Variants in ZNF563 observed in about 807,000 individuals in gnomAD.
ZNF563 encodes zinc finger protein 563.
ZNF563 carries 39 observed loss-of-function variants against 48.5 expected under a neutral mutation model. The observed-to-expected ratio is 0.80, with a 90% CI of 0.62 to 1.05. The LOEUF (loss-of-function observed/expected upper bound fraction) is 1.05, where lower values mean the gene tolerates loss of function less well. Among genes scored for constraint, ZNF563 ranks in the 50% least tolerant of loss-of-function variants. The probability of loss-of-function intolerance (pLI) is 0.00; values close to 1 mark genes in which losing one functional copy is unlikely to be tolerated. For missense variants in ZNF563, 538 were observed against 597.0 expected, an observed-to-expected ratio of 0.90 and a Z score of 1.03; for synonymous variants, 168 against 187.9, an observed-to-expected ratio of 0.89 and a Z score of 0.87.
chr19:12,325,056 G>A (rs1205520886), intron 1 of ZNF563: 1 of 152,146 alleles, frequency 6.6e-6, no homozygotes, highest in Non-Finnish European at 1.5e-5. Flanking sequence ...TGATCAGAAG[G>A]TGTGAAATAA....
At chr19:12,337,640 T>C (rs1969034254), upstream of ZNF563, among the ~76,000 whole-genome samples, 1 of 152,208 alleles carries the variant, frequency 6.6e-6, no homozygotes, top group African/African-American at 2.4e-5. Context: ...ATTTAACTTT[T>C]CAACAGTTAA....
intron 1 of ZNF563, among the ~76,000 whole-genome samples, chr19:12,325,899 G>T (rs1968780172): frequency 6.6e-6 from 1 of 152,190 alleles, no homozygotes; most frequent in Non-Finnish European, 1.5e-5. Context: ...ATCAGATAGG[G>T]AATAGAGTCT....
At position 12,319,579 on chromosome 19, in the gene ZNF563, G is replaced by C. The variant is rs144943191; in HGVS notation, c.446C>G (p.Ala149Gly). 14 of 1,614,052 alleles carry C rather than the reference G, an allele frequency of 8.7e-6. No homozygotes were observed. The highest frequency in any genetic ancestry group is 1.2e-5 in the Non-Finnish European group (14 of 1,180,048). ...CTGAAAGGAGTGATGGTAACTGAAGGCTTTCCCACGTTGTTTATGTGTATG... is the reference window on the plus strand; with the variant it reads ...CTGAAAGGAGTGATGGTAACTGAAGCCTTTCCCACGTTGTTTATGTGTATG... ...KPHTHKQRGK[A>G]FSYHHSFQSR... The change falls in exon 4 of 4, where the codon GCC becomes GGC. Residue 149 changes from alanine (A) to glycine (G), a missense_variant. By Grantham distance (60) the Ala-to-Gly change is moderately conservative. Coordinates refer to ENST00000293725, the MANE Select transcript of ZNF563 (RefSeq NM_145276.3).
the ZNF563 span, among the ~76,000 whole-genome samples, chr19:12,344,224 C>G: frequency 2.6e-5 from 4 of 151,864 alleles, no homozygotes; most frequent in Non-Finnish European, 5.9e-5. Flanking sequence ...AAAACCCTGT[C>G]TCTACAAAAA....
intron 1 of ZNF563, among the ~76,000 whole-genome samples, chr19:12,332,210 G>A (rs1322255154): frequency 6.6e-6 from 1 of 151,984 alleles, no homozygotes; most frequent in Non-Finnish European, 1.5e-5. Flanking sequence ...CTTAATTAGG[G>A]AAAGGCTAAA....
intron 1 of ZNF563, among the ~76,000 whole-genome samples, chr19:12,330,035 C>T (rs1339305263): frequency 6.6e-6 from 1 of 152,168 alleles, no homozygotes. Flanking sequence ...ATTCTCCTGC[C>T]TCAGCCTCCC....
intron 1 of ZNF563, among the ~76,000 whole-genome samples, chr19:12,324,179 G>A (rs1339266622): frequency 4.6e-5 from 7 of 151,984 alleles, no homozygotes; most frequent in Non-Finnish European, 8.8e-5. Flanking sequence ...GCAACATGGC[G>A]AAACCCTGTC....
chr19:12,320,526 A>T (rs1157047781), intron 3 of ZNF563, among the ~76,000 whole-genome samples: 1 of 150,404 alleles, frequency 6.6e-6, no homozygotes, highest in African/African-American at 2.4e-5. Context: ...TTTGAGACGG[A>T]GTCTTGCTCT....
At chr19:12,343,793 C>T in the ZNF563 span, among the ~76,000 whole-genome samples, 5 of 143,230 alleles carry the variant, frequency 3.5e-5, no homozygotes, top group Admixed American at 1.5e-4. Context: ...TACAGTGGCG[C>T]GATCTTGGCT....
the ZNF563 span, among the ~76,000 whole-genome samples, chr19:12,341,983 C>G: frequency 1.3e-5 from 2 of 152,310 alleles, no homozygotes; most frequent in Non-Finnish European, 1.5e-5. Flanking sequence ...AAAAGGTCTT[C>G]ATACAATTCT....
chr19:12,340,687 A>G, the ZNF563 span, among the ~76,000 whole-genome samples: 7,407 of 151,946 alleles, frequency 0.049, 596 homozygotes, highest in African/African-American at 0.17. Context: ...TGAGACAAGA[A>G]AATCACTGGA....
chr19:12,318,549 A>T lies in ZNF563; in HGVS notation c.*45T>A, dbSNP rs774856781. 2 of 1,564,490 alleles carry T rather than the reference A, an allele frequency of 1.3e-6. No homozygotes were observed. The highest frequency in any genetic ancestry group is 2.4e-5 in the South Asian group (2 of 83,194). On this transcript the variant is annotated 3_prime_UTR_variant, in exon 4 of 4. Coordinates refer to ENST00000293725, the MANE Select transcript of ZNF563 (RefSeq NM_145276.3). ...TGTCCAGTGTAAGTTTATTCATGAT[A>T]TCAAAGGGAACTGGAAATATAGAAG...
At chr19:12,340,551 A>T in the ZNF563 span, among the ~76,000 whole-genome samples, 232 of 152,312 alleles carry the variant, frequency 1.5e-3, 1 homozygote, top group African/African-American at 5.3e-3. Flanking sequence ...AGGTGGGCGG[A>T]TCATTTGAGG....
chr19:12,327,441 C>T (rs1023747487), intron 1 of ZNF563, among the ~76,000 whole-genome samples: 1 of 124,012 alleles, frequency 8.1e-6, no homozygotes, highest in African/African-American at 3.1e-5. Context: ...GCCTGGGCGA[C>T]AGAGTGACAC....
At chr19:12,336,463 G>A (rs1039178016), upstream of ZNF563, among the ~76,000 whole-genome samples, 22 of 152,236 alleles carry the variant, frequency 1.4e-4, no homozygotes, top group East Asian at 2.1e-3. Flanking sequence ...ATGGTGGTGC[G>A]TGCCTGTAAT....
intron 1 of ZNF563, among the ~76,000 whole-genome samples, chr19:12,325,696 TGCTACA>T (rs1232625493): frequency 6.6e-6 from 1 of 152,178 alleles, no homozygotes; most frequent in Admixed American, 6.5e-5. Context: ...AGAAAGTAAA[TGCTACA>T]GCAGAGTTTT....
chr19:12,318,803 A>G lies in ZNF563; in HGVS notation c.1222T>C (p.Cys408Arg), dbSNP rs1968505830. The stretch of plus-strand genomic sequence containing the variant: ...CTGTGAGACTTTTCGTGTCTTTGAC[A>G]TACACTAGGATAAACAAAAGCTTTC... ...CGKAFVYPSV[C>R]QRHEKSHSGE... The change falls in exon 4 of 4, where the codon TGT (cysteine) becomes CGT (arginine). Residue 408 changes from cysteine (C) to arginine (R), a missense_variant. Transcript: ENST00000293725. 6.2e-7 allele frequency: 1 copy of G among 1,612,984 alleles called. No homozygotes were observed.
intron 1 of ZNF563, among the ~76,000 whole-genome samples, chr19:12,328,501 G>C (rs951550515): frequency 1.3e-5 from 2 of 152,178 alleles, no homozygotes. Context: ...AGCTGGGTGC[G>C]GTGGCTCATG....
the ZNF563 span, among the ~76,000 whole-genome samples, chr19:12,339,711 G>T: frequency 6.6e-6 from 1 of 152,162 alleles, no homozygotes; most frequent in Non-Finnish European, 1.5e-5. Context: ...TGCACTGTGG[G>T]AGCTTCAGAA....
Sources: allele counts gnomAD v4.1 joint callset (sites outside exome capture counted in the v4.1 genomes callset), GRCh38; gene constraint gnomAD v4.1.1; transcripts MANE v1.5; gene names NCBI Gene and HGNC (gene_info 2026-07-23, HGNC 2026-07-21).